PAPOLA: variants seen among roughly 807,000 people sequenced by gnomAD.
The protein encoded by PAPOLA is polynucleotide adenylyltransferase alpha.
In PAPOLA, 15 loss-of-function variants were observed where a neutral mutation model predicts 100.6. That is an observed-to-expected ratio of 0.15 (90% CI 0.10 to 0.23). The LOEUF is 0.23. Ranked by LOEUF, PAPOLA falls within the 10% of genes least tolerant of loss-of-function variation. The probability of loss-of-function intolerance (pLI) is 1.00; values close to 1 mark genes in which losing one functional copy is unlikely to be tolerated. For missense variants in PAPOLA, 533 were observed against 884.2 expected (o/e 0.60, Z 5.04); for synonymous variants, 293 against 300.0 (o/e 0.98, Z 0.24).
intron 6 of PAPOLA, among the ~76,000 whole-genome samples, chr14:96,529,576 G>C (rs562061119): frequency 6.6e-6 from 1 of 152,040 alleles, no homozygotes; most frequent in South Asian, 2.1e-4. Flanking sequence ...GAAAAAATTA[G>C]CCAGGCATGG....
At chr14:96,552,687 T>C in intron 17 of PAPOLA, 65 bp downstream of exon 17, 2 of 1,413,250 alleles carry the variant, frequency 1.4e-6, no homozygotes, top group Admixed American at 4.1e-5. Context: ...TACATTCTCT[T>C]TTTGCTATTA....
chr14:96,511,890 C>G (rs1294280472), intron 1 of PAPOLA, among the ~76,000 whole-genome samples: 1 of 152,176 alleles, frequency 6.6e-6, no homozygotes, highest in Non-Finnish European at 1.5e-5. Context: ...TTTACTATTT[C>G]TAGCCACAGA....
Position 96,565,214 on chromosome 14 carries a change from G to T in PAPOLA, c.*164G>T. On this transcript the variant is annotated 3_prime_UTR_variant, in exon 22 of 22. Coordinates refer to ENST00000216277, the MANE Select transcript of PAPOLA (RefSeq NM_032632.5). ...TAATCAGCACTTGATCGGAAGTCCAGGTTAGTATGTGAAGCCAGGAGTACT... is the reference window on the plus strand; with the variant it reads ...TAATCAGCACTTGATCGGAAGTCCATGTTAGTATGTGAAGCCAGGAGTACT... The T allele has an allele frequency of 1.8e-6, 1 of 547,360 alleles. No individual in the cohort carries two copies. Among genetic ancestry groups the T allele is most frequent in the Non-Finnish European group, 3.3e-6 (1 of 301,848 alleles). The allele number at this position is 547,360 out of a possible 1,614,324, so 33.9% of individuals were successfully genotyped here.
At chr14:96,541,219 T>C (rs914374974) in intron 12 of PAPOLA, among the ~76,000 whole-genome samples, 3 of 152,210 alleles carry the variant, frequency 2.0e-5, no homozygotes, top group African/African-American at 7.2e-5. Context: ...TTTTTTAAAA[T>C]AAGTTTGGTA....
intron 3 of PAPOLA, among the ~76,000 whole-genome samples, chr14:96,523,588 G>A (rs924304255): frequency 1.3e-5 from 2 of 152,180 alleles, no homozygotes; most frequent in Non-Finnish European, 2.9e-5. Flanking sequence ...CCAGGTCAGC[G>A]TTGCCATTGA....
chr14:96,510,497 G>A (rs899440632), intron 1 of PAPOLA, among the ~76,000 whole-genome samples: 13 of 151,568 alleles, frequency 8.6e-5, no homozygotes, highest in African/African-American at 2.7e-4. Flanking sequence ...GCGCTTGTGC[G>A]CAAAGGGGCA....
intron 12 of PAPOLA, 33 bp from the exon 13 acceptor site, chr14:96,542,205 TAAATA>T (rs1192674006): frequency 1.6e-6 from 2 of 1,286,644 alleles, no homozygotes; most frequent in Admixed American, 1.8e-5. Flanking sequence ...ACAAAGCGTG[TAAATA>T]AAATAAATAG....
intron 1 of PAPOLA, among the ~76,000 whole-genome samples, chr14:96,517,590 T>G (rs1293692420): frequency 6.6e-6 from 1 of 152,052 alleles, no homozygotes. Flanking sequence ...CTGTGTGTGA[T>G]GAACAAGACA....
intron 14 of PAPOLA, 146 bp from the exon 15 acceptor site, chr14:96,544,003 T>A (rs1026956771): frequency 1.6e-5 from 10 of 608,248 alleles, no homozygotes; most frequent in Non-Finnish European, 3.0e-5. Flanking sequence ...GTGAGGACTT[T>A]GCGTTTTCAT....
intron 12 of PAPOLA, chr14:96,537,992 A>C (rs566606216): frequency 2.0e-5 from 3 of 152,176 alleles, no homozygotes; most frequent in African/African-American, 7.2e-5. Flanking sequence ...CTACGTTGTC[A>C]GTAAAAATTA....
At chr14:96,548,314 C>T (rs1318730525) in intron 16 of PAPOLA, among the ~76,000 whole-genome samples, 2 of 151,922 alleles carry the variant, frequency 1.3e-5, no homozygotes, top group African/African-American at 4.8e-5. Context: ...AAATGAAAGT[C>T]GCTTTTTTTG....
intron 12 of PAPOLA, among the ~76,000 whole-genome samples, chr14:96,540,192 A>G (rs1262546539): frequency 6.6e-6 from 1 of 152,178 alleles, no homozygotes; most frequent in African/African-American, 2.4e-5. Flanking sequence ...AACATTGTAT[A>G]TCATTTAAGG....
In PAPOLA at chr14:96,565,163, T is replaced by A. The variant is rs1444664995; in HGVS notation, c.*113T>A. ...TAGACATGACTGAAATGGATTTGGG[T>A]TTTTTGGTGACCTCCCTTACTGGGC... is the stretch of plus-strand genomic sequence containing the variant. On this transcript the variant is annotated 3_prime_UTR_variant, in exon 22 of 22. Transcript: ENST00000216277. The A allele has an allele frequency of 6.0e-6, 4 of 663,430 alleles. No individual in the cohort carries two copies. In the East Asian group the frequency reaches 8.0e-5, roughly 13 times the overall value. 41.1% of individuals were successfully genotyped at this position (663,430 alleles called of 1,614,324 possible).
rs1899145824 is a variant in PAPOLA, at chr14:96,532,758, T to C, written c.836+109T>C. Reference sequence around the variant, plus strand: ...TTCAGATTCAAATTTTAGTTCATGATGTAGTCATGTAGGCAGCCTTGGAGA... The same window carrying C: ...TTCAGATTCAAATTTTAGTTCATGACGTAGTCATGTAGGCAGCCTTGGAGA... On this transcript the variant is annotated intron_variant, in intron 9 of 21. Coordinates refer to ENST00000216277, the MANE Select transcript of PAPOLA (RefSeq NM_032632.5). The C allele has an allele frequency of 3.5e-6, 5 of 1,431,752 alleles. No individual in the cohort carries two copies. The African/African-American group carries it at 7.2e-5, about 21-fold the overall frequency. 88.7% of individuals were successfully genotyped at this position (1,431,752 alleles called of 1,614,324 possible).
intron 4 of PAPOLA, among the ~76,000 whole-genome samples, 195 bp downstream of exon 4, chr14:96,525,586 T>C (rs565468542): frequency 2.0e-5 from 3 of 152,222 alleles, no homozygotes; most frequent in Non-Finnish European, 4.4e-5. Flanking sequence ...AAAAGTATTA[T>C]TAAGATTAAA....
chr14:96,562,876 T>C lies in PAPOLA; in HGVS notation c.2125T>C (p.Ser709Pro). Reference protein sequence around the residue: ...TQSETIQTAASLLASQKTSST... With the variant: ...TQSETIQTAAPLLASQKTSST... The stretch of plus-strand genomic sequence containing the variant: ...ATCAGAAACTATTCAGACAGCGGCT[T>C]CTCTGTTGGCCTCTCAGGTACTAAG... Residue 709 changes from serine (S) to proline (P), a missense_variant, in exon 21 of 22, where the codon TCT (serine) becomes CCT (proline). Physicochemically the swap from Ser to Pro is moderately conservative, Grantham distance 74. Around this residue, in one of 9 missense-constraint regions of PAPOLA, gnomAD observed 242 missense variants for 281.0 expected, o/e 0.86. Transcript: ENST00000216277. 1 of 1,611,358 alleles carries C rather than the reference T, an allele frequency of 6.2e-7. No individual in the cohort carries two copies. Among genetic ancestry groups the C allele is most frequent in the South Asian group, 1.1e-5 (1 of 91,004 alleles).
At chr14:96,562,014 C>G (rs1177872974) in intron 20 of PAPOLA, among the ~76,000 whole-genome samples, 1 of 151,936 alleles carries the variant, frequency 6.6e-6, no homozygotes, top group Non-Finnish European at 1.5e-5. Flanking sequence ...TCTGCCTCAG[C>G]CTCCCGAGTA....
rs1902227330 is a variant in PAPOLA at position 96,565,813 on chromosome 14, C to G, written c.*763C>G. On this transcript the variant is annotated 3_prime_UTR_variant, in exon 22 of 22. Coordinates refer to ENST00000216277, the MANE Select transcript of PAPOLA (RefSeq NM_032632.5). ...AGCTCTGTGTTCTTTTGCCTTCAAT[C>G]TGTTGTCTTCAAAACAAACAAACAA... 1 of 398,238 alleles carries G rather than the reference C, an allele frequency of 2.5e-6. No homozygotes were observed. The highest frequency in any genetic ancestry group is 4.4e-6 in the Non-Finnish European group (1 of 225,724). 24.7% of individuals were successfully genotyped at this position (398,238 alleles called of 1,614,324 possible).
intron 7 of PAPOLA, 188 bp from the exon 8 acceptor site, chr14:96,532,142 TC>T (rs1398016167): frequency 5.8e-6 from 8 of 1,376,906 alleles, no homozygotes; most frequent in African/African-American, 4.5e-5. Flanking sequence ...TTAGATTTTT[TC>T]CCCCTCTTTA....
Sources: gnomAD v4.1 joint callset for allele counts (sites outside exome capture counted in the v4.1 genomes callset) on GRCh38, gnomAD v4.1.1 for gene constraint, gnomAD v4.1.1 regional missense constraint, MANE v1.5 for transcripts, NCBI Gene and HGNC (gene_info 2026-07-23, HGNC 2026-07-21) for gene names.